PKD1: variants seen among roughly 807,000 people sequenced by gnomAD.
PKD1 encodes polycystin-1.
In PKD1, 81 loss-of-function variants were observed where a neutral mutation model predicts 361.7. The ratio of observed to expected loss-of-function variants is 0.22; its 90% CI spans 0.19 to 0.27. The LOEUF is 0.27. Among genes scored for constraint, PKD1 ranks in the 10% least tolerant of loss-of-function variants. PKD1 has a pLI of 1.00. For missense variants in PKD1, 6,399 were observed against 6,118.3 expected, an observed-to-expected ratio of 1.05 and a Z score of -1.53; for synonymous variants, 3,615 against 2,818.3, an observed-to-expected ratio of 1.28 and a Z score of -8.95.
chr16:2,112,343 G>A lies in PKD1; in HGVS notation c.3292C>T (p.Pro1098Ser), dbSNP rs1348467197. 9 of 1,587,324 alleles carry A rather than the reference G, an allele frequency of 5.7e-6. No individual in the cohort carries two copies. Among genetic ancestry groups the A allele is most frequent in the South Asian group, 2.2e-5 (2 of 90,272 alleles). ...CCCTCACCCCCTCATCCCTCACCTG[G>A]GGCAGCGTAGGTGTGCATGACATTG... ...EHNVMHTYAA[P>S]GEYLLTVLAS... is the part of the protein sequence containing the mutation. The change falls in exon 14 of 46, where the codon CCA becomes TCA. Residue 1098 changes from proline (P) to serine (S), a missense_variant. Coordinates refer to ENST00000262304, the MANE Select transcript of PKD1 (RefSeq NM_001009944.3).
intron 39 of PKD1, 50 bp from the exon 40 acceptor site, chr16:2,092,238 A>C: frequency 6.5e-7 from 1 of 1,529,050 alleles, no homozygotes; most frequent in South Asian, 1.2e-5. Flanking sequence ...TCAAAACCCA[A>C]CAGGAGTGTT....
At chr16:2,103,216 C>T in intron 23 of PKD1, 50 bp downstream of exon 23, 6 of 1,588,192 alleles carry the variant, frequency 3.8e-6, no homozygotes, top group Non-Finnish European at 4.3e-6. Flanking sequence ...AACGCCTTCC[C>T]CCCAAGAACA....
Position 2,108,962 on chromosome 16 carries a change from C to CGCT in PKD1, c.6202_6204dup (p.Ser2068dup). The CGCT allele has an allele frequency of 6.2e-7, 1 of 1,608,856 alleles. No individual in the cohort carries two copies. The highest frequency in any genetic ancestry group is 8.5e-7 in the Non-Finnish European group (1 of 1,178,946). ...GCCGAGCGGTTGGTGAAGCAGGGGC[C>CGCT]GCTCTGCAGGGCCACATACTGGACG... On this transcript the variant is annotated inframe_insertion, in exon 15 of 46. Coordinates refer to ENST00000262304, the MANE Select transcript of PKD1 (RefSeq NM_001009944.3).
chr16:2,096,859 T>C, intron 34 of PKD1: 2 of 522,972 alleles, frequency 3.8e-6, no homozygotes, highest in Non-Finnish European at 6.9e-6. Flanking sequence ...TTCTCACTGC[T>C]CTGAGACCAA....
At position 2,108,351 on chromosome 16, in the gene PKD1, C is replaced by T; in HGVS notation, c.6816G>A (p.Arg2272=). The change falls in exon 15 of 46, where the codon CGG becomes CGA. Residue 2272 remains arginine, a synonymous_variant. Coordinates refer to ENST00000262304, the MANE Select transcript of PKD1 (RefSeq NM_001009944.3). ...GGSYRVWSDT[R]DLVLDGSESY... ...ACTCGCTCCCATCCAGCACCAGGTCCCGTGTGTCTGACCACACGCGGTATG... is the reference window on the plus strand; with the variant it reads ...ACTCGCTCCCATCCAGCACCAGGTCTCGTGTGTCTGACCACACGCGGTATG... 2 of 1,609,492 alleles carry T rather than the reference C, an allele frequency of 1.2e-6. No homozygotes were observed. The highest frequency in any genetic ancestry group is 1.7e-6 in the Non-Finnish European group (2 of 1,178,858).
chr16:2,091,716 G>A (rs2091590819), intron 41 of PKD1, 65 bp downstream of exon 41: 4 of 1,592,088 alleles, frequency 2.5e-6, no homozygotes, highest in Middle Eastern at 2.0e-4. Context: ...GGCCGGAGGA[G>A]TGAGGGTGGG....
At chr16:2,116,497 G>A (rs1376587472) in intron 8 of PKD1, 32 bp downstream of exon 8, 8 of 1,209,900 alleles carry the variant, frequency 6.6e-6, no homozygotes, top group Admixed American at 3.9e-5. Context: ...GCAGGCAGGA[G>A]GGCAGGTTGT....
chr16:2,103,875 T>C lies in PKD1; in HGVS notation c.8182A>G (p.Ser2728Gly). 1 of 1,551,636 alleles carries C rather than the reference T, an allele frequency of 6.4e-7. No individual in the cohort carries two copies. Among genetic ancestry groups the C allele is most frequent in the Non-Finnish European group, 8.7e-7 (1 of 1,150,504 alleles). The change falls in exon 23 of 46, where the codon AGC becomes GGC. Residue 2728 changes from serine to glycine, a missense_variant. Physicochemically the swap from Ser to Gly is moderately conservative, Grantham distance 56. Coordinates refer to ENST00000262304, the MANE Select transcript of PKD1 (RefSeq NM_001009944.3). ...NITGDLIHLA[S>G]SDVRAPQPSE... The stretch of plus-strand genomic sequence containing the variant: ...GGCTGTGGTGCCCGCACGTCCGAGC[T>C]GGCCAGGTGGATGAGGTCTCCTGCA...
At chr16:2,115,762 C>T (rs2092622339) in intron 9 of PKD1, 137 bp from the exon 10 acceptor site, 1 of 1,023,884 alleles carries the variant, frequency 9.8e-7, no homozygotes, top group South Asian at 1.5e-5. Context: ...CAGCCCAGTG[C>T]TGCGTCCGTC....
chr16:2,093,178 C>T (rs1051039413), intron 37 of PKD1, 85 bp from the exon 38 acceptor site: 23 of 1,526,530 alleles, frequency 1.5e-5, no homozygotes, highest in South Asian at 6.7e-5. Context: ...GCCATGGCTG[C>T]GGCAGGTGTG....
rs781094504 is a variant in PKD1, at chr16:2,092,169, G to C, written c.11289C>G (p.Pro3763=). Residue 3763 remains proline (P), a synonymous_variant, in exon 40 of 46, where the codon CCC becomes CCG. Transcript: ENST00000262304. ...RLQEALYPDP[P]GPRVHTCSAA... is the part of the protein sequence containing the mutation. Reference sequence around the variant, plus strand: ...CCGAGCACGTGTGGACCCTGGGGCCGGGAGGGTCTGGGTAGAGTGCTGAAA... The same window carrying C: ...CCGAGCACGTGTGGACCCTGGGGCCCGGAGGGTCTGGGTAGAGTGCTGAAA... The C allele has an allele frequency of 9.3e-6, 15 of 1,606,958 alleles. No individual in the cohort carries two copies. The Admixed American group carries it at 1.7e-4, about 18-fold the overall frequency.
In PKD1 at chr16:2,092,460, G is replaced by A; in HGVS notation, c.11269+20C>T. 1 of 1,505,202 alleles carries A rather than the reference G, an allele frequency of 6.6e-7. No homozygotes were observed. The highest frequency in any genetic ancestry group is 9.2e-7 in the Non-Finnish European group (1 of 1,084,056). 93.2% of individuals were successfully genotyped at this position (1,505,202 alleles called of 1,614,324 possible). ...ACAAGAGGAACGATTTAAGTCTTGG[G>A]GCACGCCCTGCCAGCTCACCTTCCT... On this transcript the variant is annotated intron_variant, in intron 39 of 45. Coordinates refer to ENST00000262304, the MANE Select transcript of PKD1 (RefSeq NM_001009944.3).
At position 2,100,287 on chromosome 16, in the gene PKD1, C is replaced by A; in HGVS notation, c.9591G>T (p.Leu3197=). 6.2e-7 allele frequency: 1 copy of A among 1,610,816 alleles called. No homozygotes were observed. The highest frequency in any genetic ancestry group is 8.5e-7 in the Non-Finnish European group (1 of 1,179,762). ...GCAGGTCCCTGACGATGACGTGCTG[C>A]AGGAACCAGGCAGGGCTGAGCCCTG... is the stretch of plus-strand genomic sequence containing the variant. The part of the protein sequence containing the change: ...DNKGLSPAWF[L]QHVIVRDLQT... The change falls in exon 28 of 46, where the codon CTG becomes CTT. Residue 3197 remains leucine (L), a synonymous_variant. Transcript: ENST00000262304. The surrounding 1 kb of genome is among the most constrained non-coding windows in gnomAD (Gnocchi z 4.4).
intron 15 of PKD1, 26 bp downstream of exon 15, chr16:2,108,226 G>A (rs1327710707): frequency 5.7e-6 from 9 of 1,583,222 alleles, no homozygotes; most frequent in Non-Finnish European, 6.9e-6. Flanking sequence ...TGAGGGGCAT[G>A]GAGGACGGCC....
chr16:2,115,268 G>A, intron 10 of PKD1, 110 bp downstream of exon 10: 1 of 1,183,014 alleles, frequency 8.5e-7, no homozygotes, highest in Non-Finnish European at 1.2e-6. Flanking sequence ...AAGGACGTGG[G>A]AGGGGCCTGC....
Position 2,109,341 on chromosome 16 carries a change from G to A in PKD1, c.5826C>T (p.Arg1942=), listed in dbSNP as rs376594676. Residue 1942 remains arginine (R), a synonymous_variant, in exon 15 of 46, where the codon CGC becomes CGT. Transcript: ENST00000262304. ...GCACGCTCACCACGTGGTCTCCGAC[G>A]CGGGGGAAGCTGTGGGAGAAACGGG... is the stretch of plus-strand genomic sequence containing the variant. ...PGPRFSHSFP[R]VGDHVVSVRG... is the part of the protein sequence containing the mutation. 236 of 1,590,844 alleles carry A rather than the reference G, an allele frequency of 1.5e-4. No homozygotes were observed. In the African/African-American group the frequency reaches 2.3e-3, roughly 16 times the overall value.
chr16:2,119,265 C>T (rs749518477), intron 2 of PKD1, 42 bp downstream of exon 2: 51 of 1,198,204 alleles, frequency 4.3e-5, no homozygotes, highest in South Asian at 3.7e-4. Flanking sequence ...CCAGCCCACC[C>T]GGAGTGAGCC....
At position 2,103,694 on chromosome 16, in the gene PKD1, G is replaced by A. The variant is rs761060813; in HGVS notation, c.8363C>T (p.Ser2788Leu). Residue 2788 changes from serine (S) to leucine (L), a missense_variant, in exon 23 of 46, where the codon TCG becomes TTG. Transcript: ENST00000262304. ...ATAGCACAGCAGGCTCCGCGGGTCC[G>A]AGCGCTTGCCCTGGGCCACGATCTC... ...GEEIVAQGKR[S>L]DPRSLLCYGG... 2.5e-6 allele frequency: 4 copies of A among 1,609,968 alleles called. No homozygotes were observed. Among genetic ancestry groups the A allele is most frequent in the Non-Finnish European group, 3.4e-6 (4 of 1,179,474 alleles).
chr16:2,098,181 G>A, intron 30 of PKD1, 197 bp from the exon 31 acceptor site: 2 of 601,202 alleles, frequency 3.3e-6, no homozygotes, highest in East Asian at 2.8e-5. Context: ...CTTGACAGCA[G>A]ACTGGTGCAG....
Sources: allele counts gnomAD v4.1 joint callset, GRCh38; gene constraint gnomAD v4.1.1; non-coding constraint Gnocchi (gnomAD v3.1); transcripts MANE v1.5; gene names NCBI Gene and HGNC (gene_info 2026-07-23, HGNC 2026-07-21).